Variants in CHD7 observed in about 807,000 individuals in gnomAD.
CHD7 encodes the protein chromodomain helicase DNA binding protein 7.
In CHD7, 24 loss-of-function variants were observed where a neutral mutation model predicts 307.3. The ratio of observed to expected loss-of-function variants is 0.08; its 90% CI spans 0.06 to 0.11. The LOEUF (loss-of-function observed/expected upper bound fraction) is 0.11. Among genes scored for constraint, CHD7 ranks in the 10% least tolerant of loss-of-function variants. CHD7 has a pLI of 1.00. For synonymous variants in CHD7, 1,363 were observed against 1,349.9 expected (o/e 1.01, Z -0.21); for missense variants, 3,106 against 3,727.1 (o/e 0.83, Z 4.34).
chr8:60,725,327 G>A (rs1369249788), intron 1 of CHD7, among the ~76,000 whole-genome samples: 4 of 152,184 alleles, frequency 2.6e-5, no homozygotes, highest in Admixed American at 2.6e-4. Context: ...ATTTCTTGTG[G>A]TTTCTTCATG....
rs1173472655 is a variant in CHD7, at chr8:60,836,098, G to C, written c.3804G>C (p.Glu1268Asp). ...GTGCTGAAGAGAAAATTTTGGAAGA[G>C]TTTAAAGAAACACACAATGCAGAGT... is the stretch of plus-strand genomic sequence containing the variant. ...INGAEEKILEEFKETHNAESP... is the reference protein window; with the variant it reads ...INGAEEKILEDFKETHNAESP... Residue 1268 changes from glutamate to aspartate, a missense_variant, in exon 16 of 38, where the codon GAG (glutamate) becomes GAC (aspartate). Physicochemically the swap from Glu to Asp is conservative, Grantham distance 45. Coordinates refer to ENST00000423902, the MANE Select transcript of CHD7 (RefSeq NM_017780.4). 6.2e-7 allele frequency: 1 copy of C among 1,612,166 alleles called. No homozygotes were observed. Among genetic ancestry groups the C allele is most frequent in the Admixed American group, 1.7e-5 (1 of 59,744 alleles).
At chr8:60,825,916 G>A (rs1331807168) in intron 13 of CHD7, among the ~76,000 whole-genome samples, 17 of 151,844 alleles carry the variant, frequency 1.1e-4, no homozygotes, top group Admixed American at 1.0e-3. Context: ...GTATACATGT[G>A]CCATGTTGGT....
At chr8:60,858,131 C>G (rs1179720830) in intron 34 of CHD7, among the ~76,000 whole-genome samples, 1 of 152,214 alleles carries the variant, frequency 6.6e-6, no homozygotes, top group Non-Finnish European at 1.5e-5. Flanking sequence ...TAGCACGTGT[C>G]TGTGATCCCA....
chr8:60,780,167 A>T (rs1473857614), intron 2 of CHD7, among the ~76,000 whole-genome samples: 1 of 152,228 alleles, frequency 6.6e-6, no homozygotes, highest in Non-Finnish European at 1.5e-5. Flanking sequence ...AGGCTGTTGT[A>T]TGCAGGAGTC....
chr8:60,759,237 C>T (rs749236470), intron 2 of CHD7, among the ~76,000 whole-genome samples: 2 of 152,134 alleles, frequency 1.3e-5, no homozygotes, highest in Non-Finnish European at 2.9e-5. Context: ...AGGTAAAGTG[C>T]AGCTGGGGTG....
rs567862413 is a variant in CHD7, at chr8:60,744,752, G to T, written c.1665+1655G>T. ...TGCCTGTAGTCCCAGCTGCTTGGGA[G>T]GCTGAGGCAAGAGAGTCGCTTGAAC... On this transcript the variant is annotated intron_variant, in intron 2 of 37. Transcript: ENST00000423902. 4.9e-3 allele frequency among the ~76,000 whole-genome samples: 737 copies of T among 151,766 alleles called. 3 individuals are homozygous for T. Among genetic ancestry groups the T allele is most frequent in the Non-Finnish European group, 7.3e-3 (497 of 67,894 alleles).
intron 1 of CHD7, among the ~76,000 whole-genome samples, chr8:60,690,921 A>ATCTT (rs574058355): frequency 2.4e-3 from 359 of 152,004 alleles, no homozygotes; most frequent in African/African-American, 7.3e-3. Flanking sequence ...TGTCATTTGC[A>ATCTT]TCTTTCTTTC....
chr8:60,726,740 T>G (rs1016570690), intron 1 of CHD7, among the ~76,000 whole-genome samples: 1 of 152,176 alleles, frequency 6.6e-6, no homozygotes, highest in Non-Finnish European at 1.5e-5. Flanking sequence ...TGTTGGTTCT[T>G]TTTTTAACAC....
chr8:60,681,734 C>T (rs112015696), intron 1 of CHD7, among the ~76,000 whole-genome samples: 6 of 152,206 alleles, frequency 3.9e-5, no homozygotes, highest in African/African-American at 1.4e-4. Context: ...TTTCCTCATG[C>T]TGGTACTCAA....
At chr8:60,777,501 A>G (rs754028363) in intron 2 of CHD7, among the ~76,000 whole-genome samples, 22 of 152,350 alleles carry the variant, frequency 1.4e-4, no homozygotes, top group Admixed American at 2.6e-4. Flanking sequence ...TTGCTTTTTT[A>G]CATATCTTTT....
At position 60,755,151 on chromosome 8, in the gene CHD7, T is replaced by C. The variant is rs549704668; in HGVS notation, c.1665+12054T>C. ...TTCTTTATCCTAATCTGTTTTTTTT[T>C]CTTAAAAAGTAACTTCATAGGTTTT... On this transcript the variant is annotated intron_variant, in intron 2 of 37. Transcript: ENST00000423902. 1.6e-4 allele frequency among the ~76,000 whole-genome samples: 25 copies of C among 152,328 alleles called. 1 individual carries two copies. In the South Asian group the frequency reaches 4.3e-3, roughly 27 times the overall value.
intron 1 of CHD7, among the ~76,000 whole-genome samples, chr8:60,721,670 C>T (rs990405729): frequency 6.6e-6 from 1 of 152,196 alleles, no homozygotes; most frequent in African/African-American, 2.4e-5. Context: ...CATTTCTAAC[C>T]AGTTCCCCAG....
chr8:60,781,779 A>G (rs1307621679), intron 3 of CHD7, among the ~76,000 whole-genome samples: 4 of 152,230 alleles, frequency 2.6e-5, no homozygotes, highest in South Asian at 2.1e-4. Context: ...ATAAAACTGG[A>G]TAAGAAGGAT....
chr8:60,794,896 T>C (rs1449863921), intron 3 of CHD7, 90 bp from the exon 4 acceptor site: 1 of 1,208,872 alleles, frequency 8.3e-7, no homozygotes, highest in Non-Finnish European at 1.2e-6. Context: ...CAGTTGTCAT[T>C]GATACTTTTG....
chr8:60,796,640 A>G (rs1812048915), intron 4 of CHD7, among the ~76,000 whole-genome samples: 2 of 149,856 alleles, frequency 1.3e-5, no homozygotes, highest in Non-Finnish European at 3.0e-5. Flanking sequence ...TTCCTGCTGC[A>G]TTTCAAACAT....
rs772288139 is a variant in CHD7 at position 60,801,460 on chromosome 8, T to C, written c.2377-68T>C. 16 of 1,192,358 alleles carry C rather than the reference T, an allele frequency of 1.3e-5. No individual in the cohort carries two copies. The African/African-American group carries it at 1.7e-4, about 12-fold the overall frequency. 73.9% of individuals were successfully genotyped at this position (1,192,358 alleles called of 1,614,324 possible). The stretch of plus-strand genomic sequence containing the variant: ...TGGAGGTGGTAGCAAAGGGGAATGA[T>C]TTCTTGCTCTTATAGCTTAGGATGA... On this transcript the variant is annotated intron_variant, in intron 5 of 37. Transcript: ENST00000423902.
rs1407604571 is a variant in CHD7, at chr8:60,678,800, G to GGCGGCGGCA, written c.-449_-448insAGCGGCGGC. ...CGGCGGCGGCGGCGGCAGCGGCGGC[G>GGCGGCGGCA]GCGGCGGCGGCGCGGGGGTTGAGTC... On this transcript the variant is annotated 5_prime_UTR_variant, in exon 1 of 38. Transcript: ENST00000423902. The GGCGGCGGCA allele has an allele frequency of 5.5e-5, 8 of 144,708 alleles. No homozygotes were observed. Among genetic ancestry groups the GGCGGCGGCA allele is most frequent in the East Asian group, 2.1e-4 (1 of 4,856 alleles). The allele number at this position is 144,708 out of a possible 1,614,324, so 9.0% of individuals were successfully genotyped here.
At chr8:60,695,031 T>A (rs1182473672) in intron 1 of CHD7, among the ~76,000 whole-genome samples, 1 of 151,660 alleles carries the variant, frequency 6.6e-6, no homozygotes, top group Non-Finnish European at 1.5e-5. Context: ...GAAAATGGAC[T>A]GAGAGAGGAA....
intron 15 of CHD7, among the ~76,000 whole-genome samples, chr8:60,832,091 G>A (rs753922708): frequency 4.6e-5 from 7 of 151,966 alleles, no homozygotes; most frequent in Non-Finnish European, 7.4e-5. Context: ...GCACGATCTC[G>A]GCTCACTGCA....
Sources: gnomAD v4.1 joint callset for allele counts (sites outside exome capture counted in the v4.1 genomes callset) on GRCh38, gnomAD v4.1.1 for gene constraint, MANE v1.5 for transcripts, NCBI Gene and HGNC (gene_info 2026-07-23, HGNC 2026-07-21) for gene names.